ARHGAP24: variants seen among roughly 807,000 people sequenced by gnomAD.
ARHGAP24 encodes rho GTPase-activating protein 24.
ARHGAP24 carries 50 observed loss-of-function variants against 76.4 expected under a neutral mutation model. The ratio of observed to expected loss-of-function variants is 0.65; its 90% confidence interval spans 0.52 to 0.83. ARHGAP24 has a LOEUF of 0.83. Among genes scored for constraint, ARHGAP24 ranks in the 40% least tolerant of loss-of-function variants. The pLI, the probability that ARHGAP24 is intolerant of heterozygous loss-of-function variation, is 0.00. For missense variants in ARHGAP24, 930 were observed against 914.2 expected (o/e 1.02, Z -0.22); for synonymous variants, 345 against 323.3 (o/e 1.07, Z -0.72).
intron 3 of ARHGAP24, among the ~76,000 whole-genome samples, chr4:85,815,811 T>A (rs1729213193): frequency 6.6e-6 from 1 of 152,162 alleles, no homozygotes; most frequent in Non-Finnish European, 1.5e-5. Flanking sequence ...ACTGTATTAG[T>A]CCATTTTCCC....
intron 3 of ARHGAP24, among the ~76,000 whole-genome samples, chr4:85,902,309 G>A (rs1425464264): frequency 6.6e-6 from 1 of 152,130 alleles, no homozygotes; most frequent in Non-Finnish European, 1.5e-5. Flanking sequence ...GATCAGATAG[G>A]GCGCAGACTA....
At chr4:85,786,743 G>T (rs1365701325) in intron 3 of ARHGAP24, among the ~76,000 whole-genome samples, 1 of 152,114 alleles carries the variant, frequency 6.6e-6, no homozygotes, top group African/African-American at 2.4e-5. Context: ...TTCCCCTCAG[G>T]CTTGTCACTA....
At chr4:85,732,204 T>C (rs1725435497) in intron 3 of ARHGAP24, among the ~76,000 whole-genome samples, 1 of 152,242 alleles carries the variant, frequency 6.6e-6, no homozygotes, top group Non-Finnish European at 1.5e-5. Context: ...TTGTCTATGG[T>C]AGGGCTTCTT....
intron 8 of ARHGAP24, chr4:85,990,152 A>C (rs1376822853): frequency 6.6e-6 from 1 of 151,780 alleles, no homozygotes; most frequent in East Asian, 1.9e-4. Flanking sequence ...TACATACTAC[A>C]TTGGACAATT....
chr4:85,977,614 G>T lies in ARHGAP24; in HGVS notation c.851G>T (p.Ser284Ile). The T allele has an allele frequency of 6.2e-7, 1 of 1,613,918 alleles. No individual in the cohort carries two copies. Among genetic ancestry groups the T allele is most frequent in the Non-Finnish European group, 8.5e-7 (1 of 1,179,846 alleles). Residue 284 changes from serine to isoleucine, a missense_variant, in exon 8 of 10, where the codon AGT (serine) becomes ATT (isoleucine). Transcript: ENST00000395184. Reference sequence around the variant, plus strand: ...TCCTACTCGGGAGTTAACAAAATGAGTGTGCAGAACTTGGCAACGGTCTTT... The same window carrying T: ...TCCTACTCGGGAGTTAACAAAATGATTGTGCAGAACTTGGCAACGGTCTTT... ...VQSYSGVNKM[S>I]VQNLATVFGP...
At chr4:85,624,848 A>G (rs1720877613) in intron 2 of ARHGAP24, among the ~76,000 whole-genome samples, 1 of 152,164 alleles carries the variant, frequency 6.6e-6, no homozygotes, top group Admixed American at 6.5e-5. Flanking sequence ...TAGATTTTCT[A>G]GTTTATTTGC....
At chr4:85,741,116 A>G (rs1340197043) in intron 3 of ARHGAP24, among the ~76,000 whole-genome samples, 1 of 152,180 alleles carries the variant, frequency 6.6e-6, no homozygotes, top group African/African-American at 2.4e-5. Context: ...TCACATAACC[A>G]TTTTGCTGTT....
chr4:85,537,636 T>C (rs1725521871), intron 1 of ARHGAP24, among the ~76,000 whole-genome samples: 1 of 152,192 alleles, frequency 6.6e-6, no homozygotes, highest in Non-Finnish European at 1.5e-5. Flanking sequence ...TTTGAAATTA[T>C]AGAAAACTTT....
In ARHGAP24 at chr4:85,853,840, G is replaced by A. The variant is rs1331339551; in HGVS notation, c.269-69808G>A. 9.9e-5 allele frequency among the ~76,000 whole-genome samples: 15 copies of A among 152,254 alleles called. No homozygotes were observed. In the South Asian group the frequency reaches 3.1e-3, roughly 32 times the overall value. ...ATAGTGGCACACACCTGTAGTGCCA[G>A]CTACTCAGGAGGCTGAGGCAGGAGA... On this transcript the variant is annotated intron_variant, in intron 3 of 9. Coordinates refer to ENST00000395184, the MANE Select transcript of ARHGAP24 (RefSeq NM_001025616.3).
At chr4:85,787,444 G>T (rs1727898609) in intron 3 of ARHGAP24, among the ~76,000 whole-genome samples, 1 of 152,050 alleles carries the variant, frequency 6.6e-6, no homozygotes, top group African/African-American at 2.4e-5. Flanking sequence ...TTAGCTCGTG[G>T]TCTACCTCCT....
intron 2 of ARHGAP24, among the ~76,000 whole-genome samples, chr4:85,682,489 G>T (rs1723242730): frequency 6.6e-6 from 1 of 152,176 alleles, no homozygotes; most frequent in Non-Finnish European, 1.5e-5. Context: ...GACTCTTCCA[G>T]CTCTATGGCC....
chr4:85,563,319 C>A (rs1871825), intron 1 of ARHGAP24, among the ~76,000 whole-genome samples: 40,408 of 152,018 alleles, frequency 0.27, 6,590 homozygotes, highest in East Asian at 0.79. Flanking sequence ...AAGTTCATTT[C>A]TGACAGTTCT....
intron 3 of ARHGAP24, among the ~76,000 whole-genome samples, chr4:85,902,919 A>G (rs553867703): frequency 4.6e-5 from 7 of 152,340 alleles, no homozygotes; most frequent in African/African-American, 1.7e-4. Flanking sequence ...ATGCAACCAC[A>G]GTTTTGAAAT....
chr4:85,802,183 A>C (rs1245139621), intron 3 of ARHGAP24, among the ~76,000 whole-genome samples: 3 of 152,138 alleles, frequency 2.0e-5, no homozygotes, highest in Admixed American at 2.0e-4. Context: ...TATGACCACC[A>C]GTTGCTATGT....
chr4:85,854,795 C>T (rs186785713), intron 3 of ARHGAP24, among the ~76,000 whole-genome samples: 1 of 152,232 alleles, frequency 6.6e-6, no homozygotes. Context: ...GGGATGACTT[C>T]ACATTATAGG....
chr4:85,643,223 CGTTTTTTTGT>C (rs1278207644), intron 2 of ARHGAP24, among the ~76,000 whole-genome samples: 56 of 129,240 alleles, frequency 4.3e-4, no homozygotes, highest in African/African-American at 1.3e-3. Context: ...TTTTATTTTC[CGTTTTTTTGT>C]GTTTTTTTTT....
At chr4:85,528,809 C>T (rs1319425356) in intron 1 of ARHGAP24, among the ~76,000 whole-genome samples, 1 of 152,066 alleles carries the variant, frequency 6.6e-6, no homozygotes, top group Non-Finnish European at 1.5e-5. Flanking sequence ...CAAAGAACTA[C>T]TTGTTTCTGT....
chr4:85,581,812 T>C (rs1727625434), intron 2 of ARHGAP24, among the ~76,000 whole-genome samples: 1 of 152,090 alleles, frequency 6.6e-6, no homozygotes, highest in African/African-American at 2.4e-5. Flanking sequence ...ACCTGTCAAT[T>C]TCTGTTTTAT....
chr4:85,668,807 T>C (rs1425478479), intron 2 of ARHGAP24, among the ~76,000 whole-genome samples: 1 of 152,184 alleles, frequency 6.6e-6, no homozygotes, highest in African/African-American at 2.4e-5. Context: ...GTTTAAGCTG[T>C]AAATTAAAAT....
Sources: allele counts gnomAD v4.1 joint callset (sites outside exome capture counted in the v4.1 genomes callset), GRCh38; gene constraint gnomAD v4.1.1; transcripts MANE v1.5; gene names NCBI Gene and HGNC (gene_info 2026-07-23, HGNC 2026-07-21).